ATM: variants seen among roughly 807,000 people sequenced by gnomAD.
ATM encodes ATM serine/threonine kinase.
ATM carries 308 observed loss-of-function variants against 387.0 expected under a neutral mutation model. The ratio of observed to expected loss-of-function variants is 0.80; its 90% CI spans 0.73 to 0.87. The LOEUF is 0.87. Ranked by LOEUF, ATM falls within the 40% of genes least tolerant of loss-of-function variation. The probability of loss-of-function intolerance (pLI) is 0.00; values close to 1 mark genes in which losing one functional copy is unlikely to be tolerated. For missense variants in ATM, 3,312 were observed against 3,560.9 expected (o/e 0.93, Z 1.78); for synonymous variants, 1,156 against 1,187.3 (o/e 0.97, Z 0.54).
At chr11:108,235,145 A>G (rs1331344433) in intron 4 of ATM, among the ~76,000 whole-genome samples, 1 of 152,080 alleles carries the variant, frequency 6.6e-6, no homozygotes, top group Non-Finnish European at 1.5e-5. Flanking sequence ...AAAAGTAGAA[A>G]AATTAGCAGG....
chr11:108,271,489 T>A, intron 20 of ATM, 83 bp downstream of exon 20: 1 of 1,479,076 alleles, frequency 6.8e-7, no homozygotes, highest in East Asian at 2.3e-5. Flanking sequence ...CATCAGTGAT[T>A]TCTTCTGATC....
chr11:108,358,419 C>T (rs1462410254), intron 61 of ATM, among the ~76,000 whole-genome samples: 13 of 149,752 alleles, frequency 8.7e-5, no homozygotes, highest in South Asian at 6.5e-4. Context: ...GGCAGGCCAA[C>T]GTTCAGATTC....
Position 108,284,219 on chromosome 11 carries a change from AT to A in ATM, c.3747-3del. On this transcript the variant is annotated splice_polypyrimidine_tract_variant and splice_region_variant and intron_variant, in intron 25 of 62. Transcript: ENST00000675843. ...TATAACCTGTATTTTAAATTTTTCT[AT>A]TTTTAGATCTTGTTATAAGGTTTTG... 1 of 1,593,746 alleles carries A rather than the reference AT, an allele frequency of 6.3e-7. No individual in the cohort carries two copies. The highest frequency in any genetic ancestry group is 8.6e-7 in the Non-Finnish European group (1 of 1,166,352).
In ATM at chr11:108,279,537, C is replaced by G. The variant is rs587779832; in HGVS notation, c.3331C>G (p.Leu1111Val). The G allele has an allele frequency of 3.1e-6, 5 of 1,613,762 alleles. No homozygotes were observed. Among genetic ancestry groups the G allele is most frequent in the Non-Finnish European group, 4.2e-6 (5 of 1,179,814 alleles). The change falls in exon 23 of 63, where the codon CTT becomes GTT. Residue 1111 changes from leucine (L) to valine (V), a missense_variant. Coordinates refer to ENST00000675843, the MANE Select transcript of ATM (RefSeq NM_000051.4). ...KGDSSRLLKA[L>V]PLKLQQTAFE... ...AGATTCTTCCAGGTTACTGAAAGCA[C>G]TTCCTTTGAAGCTTCAGCAAACAGC...
chr11:108,288,363 C>A (rs2135744148), intron 27 of ATM, among the ~76,000 whole-genome samples: 1 of 152,294 alleles, frequency 6.6e-6, no homozygotes, highest in East Asian at 1.9e-4. Flanking sequence ...GCATGAGCCG[C>A]CGTACCCAGC....
rs113854991 is a variant in ATM at position 108,292,749 on chromosome 11, A to G, written c.4567A>G (p.Thr1523Ala). 1.2e-6 allele frequency: 2 copies of G among 1,614,074 alleles called. No individual in the cohort carries two copies. The highest frequency in any genetic ancestry group is 1.7e-6 in the Non-Finnish European group (2 of 1,179,974). Reference sequence around the variant, plus strand: ...AAACCATCTTCATGTTATTGTTGGTACACTTATACCCCTTGTGTATGAGCA... The same window carrying G: ...AAACCATCTTCATGTTATTGTTGGTGCACTTATACCCCTTGTGTATGAGCA... ...LENHLHVIVG[T>A]LIPLVYEQVE... is the part of the protein sequence containing the mutation. Residue 1523 changes from threonine to alanine, a missense_variant, in exon 30 of 63, where the codon ACA becomes GCA. Around this residue, in one of 4 missense-constraint regions of ATM, gnomAD observed 1,791 missense variants for 1,804.5 expected, o/e 0.99. Coordinates refer to ENST00000675843, the MANE Select transcript of ATM (RefSeq NM_000051.4).
intron 56 of ATM, 180 bp downstream of exon 56, chr11:108,336,141 TAA>T (rs374306537): frequency 0.016 from 6,846 of 428,658 alleles, no homozygotes; most frequent in Middle Eastern, 0.022. Flanking sequence ...GACAAAAAGT[TAA>T]AAAAAAAAAA....
chr11:108,231,616 A>C (rs1283590723), intron 4 of ATM: 1 of 150,640 alleles, frequency 6.6e-6, no homozygotes, highest in Non-Finnish European at 1.5e-5. Context: ...GAATTGCTTG[A>C]ACCTGGAAGG....
rs1555119845 is a variant in ATM, at chr11:108,326,120, G to A, written c.6870G>A (p.Glu2290=). Residue 2290 remains glutamate (E), a synonymous_variant, in exon 47 of 63, where the codon GAG becomes GAA. Coordinates refer to ENST00000675843, the MANE Select transcript of ATM (RefSeq NM_000051.4). ...QYNSVSCGVS[E]WQLEEAQVFW... Reference sequence around the variant, plus strand: ...ATTCAGTTAGCTGTGGAGTCTCTGAGTGGCAGCTGGAAGAAGCACAAGTAT... The same window carrying A: ...ATTCAGTTAGCTGTGGAGTCTCTGAATGGCAGCTGGAAGAAGCACAAGTAT... The A allele has an allele frequency of 6.2e-7, 1 of 1,614,118 alleles. No homozygotes were observed. The highest frequency in any genetic ancestry group is 8.5e-7 in the Non-Finnish European group (1 of 1,180,010).
intron 36 of ATM, 123 bp downstream of exon 36, chr11:108,303,152 A>G: frequency 9.8e-7 from 1 of 1,025,376 alleles, no homozygotes; most frequent in Non-Finnish European, 1.4e-6. Flanking sequence ...TAAATTTATT[A>G]AAGTGAGCAT....
chr11:108,228,814 G>C (rs987243339), intron 3 of ATM, among the ~76,000 whole-genome samples: 57 of 152,192 alleles, frequency 3.7e-4, no homozygotes, highest in Middle Eastern at 3.2e-3. Context: ...TTATTGGCTG[G>C]CAACATTACC....
In ATM at chr11:108,271,959, G is replaced by A. The variant is rs530525512; in HGVS notation, c.3077+553G>A. Among the ~76,000 whole-genome samples the A allele has an allele frequency of 1.8e-3, 275 of 152,224 alleles. 2 individuals are homozygous for A. Among genetic ancestry groups the A allele is most frequent in the African/African-American group, 6.4e-3 (265 of 41,524 alleles). On this transcript the variant is annotated intron_variant, in intron 20 of 62. Transcript: ENST00000675843. ...GCTATATCTGCTCACTGCAACCTCC[G>A]CCTAGTAGGTTCAAGCAATTGTCCT...
intron 17 of ATM, among the ~76,000 whole-genome samples, chr11:108,267,779 C>T (rs1456847429): frequency 2.8e-4 from 42 of 152,134 alleles, no homozygotes; most frequent in Admixed American, 2.8e-3. Context: ...ACGGCATGAA[C>T]CTGGGGAGGT....
intron 12 of ATM, among the ~76,000 whole-genome samples, chr11:108,253,176 T>C (rs1221297382): frequency 6.6e-6 from 1 of 152,204 alleles, no homozygotes; most frequent in Non-Finnish European, 1.5e-5. Flanking sequence ...ATGGTTATGC[T>C]GGGAAATTAA....
At chr11:108,361,537 A>G (rs1435249858) in intron 61 of ATM, among the ~76,000 whole-genome samples, 1 of 152,062 alleles carries the variant, frequency 6.6e-6, no homozygotes, top group Non-Finnish European at 1.5e-5. Context: ...ACACTACCTG[A>G]CTTCAAACTA....
intron 43 of ATM, among the ~76,000 whole-genome samples, chr11:108,318,668 G>T (rs2084957470): frequency 6.6e-6 from 1 of 151,636 alleles, no homozygotes; most frequent in Non-Finnish European, 1.5e-5. Flanking sequence ...CAGCCTGGGC[G>T]ACAGAGTGAG....
chr11:108,235,902 CTGTCTG>C, intron 5 of ATM, 68 bp downstream of exon 5: 1 of 1,530,840 alleles, frequency 6.5e-7, no homozygotes, highest in Admixed American at 1.7e-5. Flanking sequence ...AGAAAGCACT[CTGTCTG>C]TATCTGTCTA....
intron 47 of ATM, among the ~76,000 whole-genome samples, chr11:108,326,777 A>C (rs1163796096): frequency 6.6e-6 from 1 of 152,202 alleles, no homozygotes; most frequent in African/African-American, 2.4e-5. Flanking sequence ...GGTGTCCCAC[A>C]GACATGTACC....
At position 108,255,336 on chromosome 11, in the gene ATM, G is replaced by A. The variant is rs71488301; in HGVS notation, c.2125-879G>A. ...TTTGTATATTTTCTCCTAAAATGCC[G>A]TTTCCTACCCTGTAGGAACAAAAAA... On this transcript the variant is annotated intron_variant, in intron 13 of 62. Transcript: ENST00000675843. Among the ~76,000 whole-genome samples, 386 of 150,474 alleles carry A rather than the reference G, an allele frequency of 2.6e-3. 4 individuals carry two copies. Among genetic ancestry groups the A allele is most frequent in the Non-Finnish European group, 4.1e-3 (276 of 67,754 alleles).
Sources: gnomAD v4.1 joint callset for allele counts (sites outside exome capture counted in the v4.1 genomes callset) on GRCh38, gnomAD v4.1.1 for gene constraint, gnomAD v4.1.1 regional missense constraint, MANE v1.5 for transcripts, NCBI Gene and HGNC (gene_info 2026-07-23, HGNC 2026-07-21) for gene names.